The following ZIM2 variants were observed in gnomAD, a reference collection of about 807,000 sequenced individuals.
ZIM2 encodes zinc finger protein 656.
In ZIM2, 14 loss-of-function variants were observed where a neutral mutation model predicts 38.6. That is an observed-to-expected ratio of 0.36 (90% CI 0.24 to 0.57). The LOEUF is 0.57. ZIM2 is among the 20% of genes least tolerant of loss of function. The pLI is 0.81. For missense variants in ZIM2, 680 were observed against 695.1 expected (o/e 0.98, Z 0.24); for synonymous variants, 247 against 245.8 (o/e 1.00, Z -0.04).
chr19:56,814,356 T>G lies in ZIM2; in HGVS notation c.490+3390A>C. 6.2e-7 allele frequency: 1 copy of G among 1,613,230 alleles called. No homozygotes were observed. The highest frequency in any genetic ancestry group is 8.5e-7 in the Non-Finnish European group (1 of 1,179,192). ...CTGCTGCTGCTGCAGCTGCTGCTGC[T>G]TCATCTTCTTCTTCTTCTTCCAGAT... On this transcript the variant is annotated intron_variant, in intron 9 of 12. Transcript: ENST00000629319. This position sits in a 1 kb window ranked among gnomAD's most constrained non-coding sequence, Gnocchi z 5.8.
chr19:56,781,884 G>C (rs2046349660), intron 11 of ZIM2, 69 bp downstream of exon 11: 1 of 1,554,952 alleles, frequency 6.4e-7, no homozygotes, highest in Non-Finnish European at 8.7e-7. Context: ...CTGATGAGAG[G>C]ACACGAAGGA....
At chr19:56,807,210 G>A (rs977514977) in intron 9 of ZIM2, among the ~76,000 whole-genome samples, 4 of 152,098 alleles carry the variant, frequency 2.6e-5, no homozygotes, top group Non-Finnish European at 4.4e-5. Context: ...AAGGCAAAAC[G>A]TGGTTATAAA....
chr19:56,826,620 A>T (rs1334333880), intron 2 of ZIM2, among the ~76,000 whole-genome samples, 157 bp from the exon 3 acceptor site: 1 of 152,226 alleles, frequency 6.6e-6, no homozygotes, highest in Non-Finnish European at 1.5e-5. Context: ...CATGCTATAT[A>T]AACCATGCCA....
intron 10 of ZIM2, among the ~76,000 whole-genome samples, chr19:56,788,853 A>G (rs1014846360): frequency 6.6e-6 from 1 of 151,332 alleles, no homozygotes; most frequent in Non-Finnish European, 1.5e-5. Flanking sequence ...ATTTCTTTTC[A>G]TTCTTTTCTC....
Position 56,814,482 on chromosome 19 carries a change from A to G in ZIM2, c.490+3264T>C. 1.2e-6 allele frequency: 2 copies of G among 1,613,772 alleles called. No individual in the cohort carries two copies. The highest frequency in any genetic ancestry group is 1.7e-6 in the Non-Finnish European group (2 of 1,179,616). ...TAGCTCCTTTGAGGGGCTCAGTAAG[A>G]AATGAGGTGTGAGTATAGGAGGACC... On this transcript the variant is annotated intron_variant, in intron 9 of 12. Transcript: ENST00000629319. This position sits in a 1 kb window ranked among gnomAD's most constrained non-coding sequence, Gnocchi z 5.8.
rs375862400 is a variant in ZIM2, at chr19:56,817,565, G to T, written c.490+181C>A. 6 of 1,591,152 alleles carry T rather than the reference G, an allele frequency of 3.8e-6. No homozygotes were observed. The East Asian group carries it at 1.3e-4, about 36-fold the overall frequency. On this transcript the variant is annotated intron_variant, in intron 9 of 12. Transcript: ENST00000629319. ...CGGTGGGTTGATTTTTTGGCTTCAG[G>T]CATAGTTTTTAGACCTGGAAAGAAA...
chr19:56,809,216 C>T (rs2047932786), intron 9 of ZIM2, among the ~76,000 whole-genome samples: 1 of 152,248 alleles, frequency 6.6e-6, no homozygotes, highest in East Asian at 1.9e-4. Flanking sequence ...CACAGAATGA[C>T]CATGGAAGCT....
chr19:56,829,475 T>A lies in ZIM2; in HGVS notation c.-226-3012A>T, dbSNP rs187895638. Among the ~76,000 whole-genome samples the A allele has an allele frequency of 7.6e-4, 116 of 152,046 alleles. 1 individual carries two copies. The highest frequency in any genetic ancestry group is 2.8e-3 in the African/African-American group (116 of 41,468). ...GTAACACATTTTACACATGGAATGG[T>A]GGGAAGGGACGAGCACCACTGACAG... On this transcript the variant is annotated intron_variant, in intron 2 of 12. Transcript: ENST00000629319.
chr19:56,815,579 G>C lies in ZIM2; in HGVS notation c.490+2167C>G, dbSNP rs369361484. On this transcript the variant is annotated intron_variant, in intron 9 of 12. Transcript: ENST00000629319. ...CGAAATGTTTGTTCACCAAAAGGCA[G>C]AGAGTGAATTACAGAGGTCTCATTG... is the stretch of plus-strand genomic sequence containing the variant. The C allele has an allele frequency of 6.2e-6, 10 of 1,614,012 alleles. No individual in the cohort carries two copies. In the African/African-American group the frequency reaches 1.3e-4, roughly 22 times the overall value.
chr19:56,813,528 C>T, intron 9 of ZIM2: 2 of 1,439,186 alleles, frequency 1.4e-6, no homozygotes, highest in Non-Finnish European at 1.8e-6. Context: ...GGTCTCTTTT[C>T]AATCTGAGTT....
At chr19:56,810,212 G>T in intron 9 of ZIM2, 1 of 982,306 alleles carries the variant, frequency 1.0e-6, no homozygotes, top group Non-Finnish European at 1.2e-6. Flanking sequence ...CACACTCTTT[G>T]GATGGTGAAA....
chr19:56,813,617 T>G, intron 9 of ZIM2: 2 of 1,543,914 alleles, frequency 1.3e-6, no homozygotes, highest in Admixed American at 3.9e-5. Context: ...TTGGATTCTC[T>G]GTGGTTTGGT....
chr19:56,778,469 G>A (rs531769564), intron 12 of ZIM2, among the ~76,000 whole-genome samples: 2 of 152,272 alleles, frequency 1.3e-5, no homozygotes, highest in South Asian at 2.1e-4. Flanking sequence ...GATATAACCC[G>A]ATATGGAACA....
In ZIM2 at chr19:56,817,516, G is replaced by A. The variant is rs1288542163; in HGVS notation, c.490+230C>T. The A allele has an allele frequency of 6.2e-7, 1 of 1,608,318 alleles. No individual in the cohort carries two copies. The highest frequency in any genetic ancestry group is 1.7e-4 in the Middle Eastern group (1 of 6,030). Reference sequence around the variant, plus strand: ...TTTTTCCATTATCACTCCGTGGGAAGATTCATCTTCACAAATCCCCCGCCG... The same window carrying A: ...TTTTTCCATTATCACTCCGTGGGAAAATTCATCTTCACAAATCCCCCGCCG... On this transcript the variant is annotated intron_variant, in intron 9 of 12. Coordinates refer to ENST00000629319, the MANE Select transcript of ZIM2 (RefSeq NM_001387356.1).
chr19:56,786,368 C>T (rs998542200), intron 10 of ZIM2, among the ~76,000 whole-genome samples: 1 of 152,122 alleles, frequency 6.6e-6, no homozygotes, highest in Non-Finnish European at 1.5e-5. Flanking sequence ...GTTCTAAGAA[C>T]ACTTTTTTCC....
chr19:56,821,544 C>T (rs1352004393), intron 7 of ZIM2, 107 bp downstream of exon 7: 2 of 1,389,592 alleles, frequency 1.4e-6, no homozygotes, highest in Non-Finnish European at 2.0e-6. Flanking sequence ...GACTCTCACC[C>T]CAGCTGGACT....
chr19:56,823,072 C>T (rs950907622), intron 5 of ZIM2, among the ~76,000 whole-genome samples: 5 of 152,230 alleles, frequency 3.3e-5, no homozygotes, highest in Non-Finnish European at 7.3e-5. Context: ...AGTTCCAAAG[C>T]TCAGTCCAGT....
chr19:56,814,639 G>A lies in ZIM2; in HGVS notation c.490+3107C>T, dbSNP rs766186037. 7 of 1,613,994 alleles carry A rather than the reference G, an allele frequency of 4.3e-6. No homozygotes were observed. In the African/African-American group the frequency reaches 8.0e-5, roughly 18 times the overall value. ...CTGACTTCTCTGAAACTCAGTGAGG[G>A]CTAAGCCTGGAATGATAGCTTCCTC... On this transcript the variant is annotated intron_variant, in intron 9 of 12. Coordinates refer to ENST00000629319, the MANE Select transcript of ZIM2 (RefSeq NM_001387356.1). The surrounding 1 kb of genome is among the most constrained non-coding windows in gnomAD (Gnocchi z 5.8).
chr19:56,798,957 A>G (rs1348714985), intron 9 of ZIM2: 1 of 152,224 alleles, frequency 6.6e-6, no homozygotes, highest in Non-Finnish European at 1.5e-5. Context: ...TAAAGGTCAA[A>G]AAACAACAGA....
Sources: allele counts gnomAD v4.1 joint callset (sites outside exome capture counted in the v4.1 genomes callset), GRCh38; gene constraint gnomAD v4.1.1; non-coding constraint Gnocchi (gnomAD v3.1); transcripts MANE v1.5; gene names NCBI Gene and HGNC (gene_info 2026-07-23, HGNC 2026-07-21).